GSK3B: variants seen among roughly 807,000 people sequenced by gnomAD.
GSK3B encodes the protein glycogen synthase kinase 3 beta, also known as glycogen synthase kinase-3 beta.
A neutral mutation model predicts 56.4 loss-of-function variants in GSK3B; 15 were observed. The observed-to-expected ratio is 0.27, with a 90% CI of 0.18 to 0.41. The LOEUF is 0.41. GSK3B is among the 10% of genes least tolerant of loss of function. GSK3B has a pLI of 1.00. For synonymous variants in GSK3B, 181 were observed against 188.9 expected (o/e 0.96, Z 0.34); for missense variants, 300 against 513.4 (o/e 0.58, Z 4.02).
intron 1 of GSK3B, among the ~76,000 whole-genome samples, chr3:120,041,937 C>G (rs747819200): frequency 5.5e-4 from 84 of 152,198 alleles, no homozygotes; most frequent in Non-Finnish European, 1.0e-3. Flanking sequence ...CCAGGAGGAA[C>G]CATCTATACC....
At chr3:120,077,925 A>T (rs2058381070) in intron 1 of GSK3B, among the ~76,000 whole-genome samples, 1 of 151,910 alleles carries the variant, frequency 6.6e-6, no homozygotes, top group African/African-American at 2.4e-5. Flanking sequence ...TAAATCAATT[A>T]AAAAAATATA....
intron 10 of GSK3B, among the ~76,000 whole-genome samples, chr3:119,829,125 G>T (rs1434036703): frequency 6.6e-6 from 1 of 152,108 alleles, no homozygotes; most frequent in East Asian, 1.9e-4. Flanking sequence ...CCTGTTTAAA[G>T]AAGTTTTACC....
chr3:120,084,084 A>C (rs1367189307), intron 1 of GSK3B, among the ~76,000 whole-genome samples: 1 of 152,220 alleles, frequency 6.6e-6, no homozygotes, highest in Non-Finnish European at 1.5e-5. Context: ...TGAACACCTG[A>C]GTAATGAAAA....
At chr3:120,053,966 T>C (rs1035146179) in intron 1 of GSK3B, among the ~76,000 whole-genome samples, 3 of 152,198 alleles carry the variant, frequency 2.0e-5, no homozygotes, top group Admixed American at 6.5e-5. Context: ...ATCAGCAGCA[T>C]GAAAATGAAC....
At chr3:120,070,534 G>A (rs1266626879) in intron 1 of GSK3B, among the ~76,000 whole-genome samples, 2 of 150,886 alleles carry the variant, frequency 1.3e-5, no homozygotes, top group Non-Finnish European at 2.9e-5. Context: ...GGCTAAAATG[G>A]TCCTACAATG....
intron 8 of GSK3B, among the ~76,000 whole-genome samples, chr3:119,873,888 T>G (rs571414389): frequency 6.6e-6 from 1 of 152,202 alleles, no homozygotes; most frequent in East Asian, 1.9e-4. Context: ...ACCAGACGAA[T>G]GAAAGGTTCA....
intron 2 of GSK3B, among the ~76,000 whole-genome samples, chr3:119,959,862 A>G (rs1339883700): frequency 2.0e-5 from 3 of 151,966 alleles, no homozygotes; most frequent in South Asian, 4.2e-4. Context: ...TTGACCTCAC[A>G]TTAATCTGTC....
intron 1 of GSK3B, among the ~76,000 whole-genome samples, chr3:120,053,134 C>G (rs570819656): frequency 6.6e-6 from 1 of 152,158 alleles, no homozygotes; most frequent in South Asian, 2.1e-4. Context: ...GTCAGGAGTT[C>G]GAGACCAGCC....
chr3:119,869,841 T>C (rs1028816358), intron 8 of GSK3B, among the ~76,000 whole-genome samples: 1 of 152,228 alleles, frequency 6.6e-6, no homozygotes, highest in African/African-American at 2.4e-5. Context: ...TGTATATATG[T>C]AGATATCAGC....
At chr3:119,928,612 T>TAAAAAAAAAAAA (rs1160252679) in intron 3 of GSK3B, among the ~76,000 whole-genome samples, 58 of 66,944 alleles carry the variant, frequency 8.7e-4, no homozygotes, top group East Asian at 1.2e-3. Flanking sequence ...ATCAAAAAAA[T>TAAAAAAAAAAAA]AAAAAAAAAA....
chr3:119,927,446 G>A (rs2056899028), intron 3 of GSK3B, among the ~76,000 whole-genome samples: 1 of 152,094 alleles, frequency 6.6e-6, no homozygotes. Context: ...GGCAGGGTAG[G>A]TATACCGGCT....
At chr3:120,073,563 T>C (rs181050246) in intron 1 of GSK3B, among the ~76,000 whole-genome samples, 30 of 152,346 alleles carry the variant, frequency 2.0e-4, no homozygotes, top group Middle Eastern at 3.4e-3. Context: ...ACTGTACTTA[T>C]ATATGACTGA....
chr3:119,896,118 ACT>A (rs2056560606), intron 7 of GSK3B, among the ~76,000 whole-genome samples: 1 of 141,670 alleles, frequency 7.1e-6, no homozygotes, highest in East Asian at 2.1e-4. Context: ...ACAGAGCGAG[ACT>A]CTGTCTCAAA....
intron 1 of GSK3B, among the ~76,000 whole-genome samples, chr3:120,026,125 T>G (rs1002962493): frequency 1.3e-5 from 2 of 152,164 alleles, no homozygotes; most frequent in Non-Finnish European, 2.9e-5. Context: ...ACCTATCATA[T>G]TTCATCTCAC....
chr3:119,940,150 T>C (rs935450667), intron 3 of GSK3B, among the ~76,000 whole-genome samples: 1 of 151,206 alleles, frequency 6.6e-6, no homozygotes, highest in African/African-American at 2.4e-5. Flanking sequence ...ATGGTGTATA[T>C]AACACAAGTA....
rs202156812 is a variant in GSK3B at position 119,967,834 on chromosome 3, T to TTCTCTC, written c.283-20489_283-20484dup. On this transcript the variant is annotated intron_variant, in intron 2 of 10. Coordinates refer to ENST00000264235, the MANE Select transcript of GSK3B (RefSeq NM_001146156.2). Reference sequence around the variant, plus strand: ...CCTCCCTCCCTTTCTCTCTTTCTCTTTCTCTCTCTCTCTCTCTCTCTCTCT... The same window carrying TTCTCTC: ...CCTCCCTCCCTTTCTCTCTTTCTCTTTCTCTCTCTCTCTCTCTCTCTCTCTCTCTCT... Among the ~76,000 whole-genome samples the TTCTCTC allele has an allele frequency of 1.6e-3, 196 of 118,994 alleles. 2 individuals carry two copies. Among genetic ancestry groups the TTCTCTC allele is most frequent in the South Asian group, 4.3e-3 (13 of 3,058 alleles). 78.1% of individuals were successfully genotyped at this position (118,994 alleles called of 152,430 possible).
At chr3:119,994,773 T>C (rs528639411) in intron 2 of GSK3B, among the ~76,000 whole-genome samples, 2 of 152,272 alleles carry the variant, frequency 1.3e-5, no homozygotes, top group Non-Finnish European at 2.9e-5. Flanking sequence ...GAACTCTTCC[T>C]GGTATAGAAG....
At chr3:119,889,704 T>C (rs2056480439) in intron 7 of GSK3B, among the ~76,000 whole-genome samples, 1 of 152,116 alleles carries the variant, frequency 6.6e-6, no homozygotes, top group South Asian at 2.1e-4. Flanking sequence ...ACCACAGTGA[T>C]AATTACACTG....
chr3:119,922,499 A>C (rs1164115202), intron 4 of GSK3B, among the ~76,000 whole-genome samples: 1 of 148,220 alleles, frequency 6.7e-6, no homozygotes, highest in African/African-American at 2.5e-5. Flanking sequence ...AATCTAGCTA[A>C]CAAAAGTGCT....
Sources: gnomAD v4.1 joint callset for allele counts (sites outside exome capture counted in the v4.1 genomes callset) on GRCh38, gnomAD v4.1.1 for gene constraint, MANE v1.5 for transcripts, NCBI Gene and HGNC (gene_info 2026-07-23, HGNC 2026-07-21) for gene names.